Variants in PARD3B observed in about 807,000 individuals in gnomAD.
The protein encoded by PARD3B is partitioning defective 3 homolog B.
Under a neutral mutation model 130.2 loss-of-function variants are expected in PARD3B, and 103 were observed. The ratio of observed to expected loss-of-function variants is 0.79; its 90% CI spans 0.67 to 0.93. The LOEUF (loss-of-function observed/expected upper bound fraction) is 0.93. Ranked by LOEUF, PARD3B falls within the 40% of genes least tolerant of loss-of-function variation. PARD3B has a pLI of 0.00. For synonymous variants in PARD3B, 583 were observed against 553.2 expected (o/e 1.05, Z -0.76); for missense variants, 1,609 against 1,499.2 (o/e 1.07, Z -1.21).
chr2:204,883,792 T>C (rs1415276804), intron 2 of PARD3B, among the ~76,000 whole-genome samples: 1 of 145,480 alleles, frequency 6.9e-6, no homozygotes, highest in East Asian at 2.1e-4. Flanking sequence ...CAGGCTGGAG[T>C]GCAGTGGTGC....
rs1429954231 is a variant in PARD3B at position 205,281,447 on chromosome 2, A to G, written c.2186-19083A>G. Among the ~76,000 whole-genome samples, 4 of 152,156 alleles carry G rather than the reference A, an allele frequency of 2.6e-5. No homozygotes were observed. Among genetic ancestry groups the G allele is most frequent in the South Asian group, 2.1e-4 (1 of 4,826 alleles). ...CAAAAGTTCTCTGAAAACGAAGTTG[A>G]AAGAAAGAGACCTTGTTCCAGTGAA... is the stretch of plus-strand genomic sequence containing the variant. On this transcript the variant is annotated intron_variant, in intron 16 of 22. Transcript: ENST00000406610. This position sits in a 1 kb window ranked among gnomAD's most constrained non-coding sequence, Gnocchi z 4.2.
chr2:205,348,758 A>C (rs1285151373), intron 18 of PARD3B, among the ~76,000 whole-genome samples: 1 of 152,212 alleles, frequency 6.6e-6, no homozygotes, highest in Non-Finnish European at 1.5e-5. Context: ...TAATTCTCAT[A>C]ATACTGAATC....
chr2:205,511,985 C>T (rs144023212), intron 21 of PARD3B, among the ~76,000 whole-genome samples: 55 of 152,182 alleles, frequency 3.6e-4, no homozygotes, highest in African/African-American at 1.2e-3. Context: ...AGTAACTAGT[C>T]TGGTGTTGTG....
rs545755961 is a variant in PARD3B at position 205,488,521 on chromosome 2, T to C, written c.3045-11375T>C. The stretch of plus-strand genomic sequence containing the variant: ...ACCTCTGCTTTAGGAGGATACTATA[T>C]TGGACTCTGCCTATGATCTCTCACT... On this transcript the variant is annotated intron_variant, in intron 20 of 22. Coordinates refer to ENST00000406610, the MANE Select transcript of PARD3B (RefSeq NM_001302769.2). 7.9e-4 allele frequency among the ~76,000 whole-genome samples: 121 copies of C among 152,300 alleles called. 2 individuals are homozygous for C. The highest frequency in any genetic ancestry group is 7.8e-3 in the Admixed American group (120 of 15,290).
In PARD3B at chr2:205,125,888, T is replaced by TAAA; in HGVS notation, c.1434+152_1434+153insAAA. ...TCAGGGTATTTTACCCCATTTGGGGTATCGCATTTTTAAAACATTGATACA... is the reference window on the plus strand; with the variant it reads ...TCAGGGTATTTTACCCCATTTGGGGTAAAATCGCATTTTTAAAACATTGATACA... On this transcript the variant is annotated intron_variant, in intron 10 of 22. Transcript: ENST00000406610. This position sits in a 1 kb window ranked among gnomAD's most constrained non-coding sequence, Gnocchi z 4.0. 9.2e-7 allele frequency: 1 copy of TAAA among 1,089,918 alleles called. No homozygotes were observed. Among genetic ancestry groups the TAAA allele is most frequent in the Non-Finnish European group, 1.3e-6 (1 of 769,300 alleles). 67.5% of individuals were successfully genotyped at this position (1,089,918 alleles called of 1,614,324 possible).
rs1329795835 is a variant in PARD3B at position 205,230,600 on chromosome 2, G to T, written c.2141-15178G>T. On this transcript the variant is annotated intron_variant, in intron 15 of 22. Transcript: ENST00000406610. This position sits in a 1 kb window ranked among gnomAD's most constrained non-coding sequence, Gnocchi z 4.1. ...CGTGAGCTGCACTGCCTGGGGTTGG[G>T]GGAGGAGTGGTGCAAGCACTGCATT... Among the ~76,000 whole-genome samples the T allele has an allele frequency of 6.6e-6, 1 of 152,134 alleles. No individual in the cohort carries two copies. Among genetic ancestry groups the T allele is most frequent in the African/African-American group, 2.4e-5 (1 of 41,432 alleles).
At chr2:205,496,593 C>T (rs1271045410) in intron 20 of PARD3B, among the ~76,000 whole-genome samples, 1 of 152,140 alleles carries the variant, frequency 6.6e-6, no homozygotes, top group East Asian at 1.9e-4. Flanking sequence ...AATAGCCATG[C>T]TCCTGTCAGC....
At chr2:205,171,183 G>A (rs916081138) in intron 11 of PARD3B, among the ~76,000 whole-genome samples, 1 of 152,200 alleles carries the variant, frequency 6.6e-6, no homozygotes, top group African/African-American at 2.4e-5. Flanking sequence ...AGCAGCAGCA[G>A]CATGATAACA....
intron 2 of PARD3B, among the ~76,000 whole-genome samples, chr2:204,707,657 C>A (rs938549931): frequency 2.6e-5 from 4 of 152,078 alleles, no homozygotes; most frequent in Non-Finnish European, 1.5e-5. Context: ...ATTTTCCACA[C>A]AGGATTGCAA....
intron 2 of PARD3B, among the ~76,000 whole-genome samples, chr2:204,881,355 G>T (rs2046038916): frequency 6.6e-6 from 1 of 152,146 alleles, no homozygotes; most frequent in Non-Finnish European, 1.5e-5. Context: ...ACAAAGTCAA[G>T]ATCTACACGT....
At chr2:205,490,599 T>C (rs2049663377) in intron 20 of PARD3B, among the ~76,000 whole-genome samples, 1 of 152,224 alleles carries the variant, frequency 6.6e-6, no homozygotes, top group Non-Finnish European at 1.5e-5. Flanking sequence ...TATAGCAGCA[T>C]GATTTATAAT....
At chr2:205,164,822 T>TACACACACACACACACACACAC (rs71032448) in intron 11 of PARD3B, among the ~76,000 whole-genome samples, 1 of 147,244 alleles carries the variant, frequency 6.8e-6, no homozygotes, top group Non-Finnish European at 1.5e-5. Context: ...TATATATGTA[T>TACACACACACACACACACACAC]ACACACACAC....
rs551260349 is a variant in PARD3B at position 205,120,440 on chromosome 2, G to C, written c.807-1151G>C. ...TTGCAGAATTAAGCACTTCAGAAAGGGGGGTGCGGGGTAGGGTTTAAGGAA... is the reference window on the plus strand; with the variant it reads ...TTGCAGAATTAAGCACTTCAGAAAGCGGGGTGCGGGGTAGGGTTTAAGGAA... On this transcript the variant is annotated intron_variant, in intron 7 of 22. Transcript: ENST00000406610. Among the ~76,000 whole-genome samples, 16 of 152,328 alleles carry C rather than the reference G, an allele frequency of 1.1e-4. No individual in the cohort carries two copies. The South Asian group carries it at 1.5e-3, about 14-fold the overall frequency.
In PARD3B at chr2:204,675,751, T is replaced by C. The variant is rs556458730; in HGVS notation, c.121-10430T>C. On this transcript the variant is annotated intron_variant, in intron 1 of 22. Coordinates refer to ENST00000406610, the MANE Select transcript of PARD3B (RefSeq NM_001302769.2). The surrounding 1 kb of genome is among the most constrained non-coding windows in gnomAD (Gnocchi z 4.4). ...CATTCCTTTAAATATTTAGCTGATA[T>C]ATGAACTAGGAAGTGAAATATATGT... is the stretch of plus-strand genomic sequence containing the variant. 2.6e-5 allele frequency among the ~76,000 whole-genome samples: 4 copies of C among 152,290 alleles called. No individual in the cohort carries two copies. The highest frequency in any genetic ancestry group is 2.9e-5 in the Non-Finnish European group (2 of 68,020).
rs1304734223 is a variant in PARD3B, at chr2:205,187,755, GA to G, written c.2024+1894del. The stretch of plus-strand genomic sequence containing the variant: ...GCTGTAAATCTTCATTACATGGTAT[GA>G]ACTAGTAACTTCCATCTTCTTTTCA... On this transcript the variant is annotated intron_variant, in intron 14 of 22. Transcript: ENST00000406610. The surrounding 1 kb of genome is among the most constrained non-coding windows in gnomAD (Gnocchi z 4.9). Among the ~76,000 whole-genome samples, 1 of 152,184 alleles carries G rather than the reference GA, an allele frequency of 6.6e-6. No individual in the cohort carries two copies. Among genetic ancestry groups the G allele is most frequent in the Non-Finnish European group, 1.5e-5 (1 of 68,032 alleles).
intron 19 of PARD3B, among the ~76,000 whole-genome samples, chr2:205,416,840 C>T (rs2106075366): frequency 1.3e-5 from 2 of 152,222 alleles, no homozygotes; most frequent in Middle Eastern, 6.8e-3. Context: ...CAAAACTGCA[C>T]TTCCAACCCC....
At chr2:204,680,972 G>A (rs980334230) in intron 1 of PARD3B, among the ~76,000 whole-genome samples, 1 of 151,982 alleles carries the variant, frequency 6.6e-6, no homozygotes, top group African/African-American at 2.4e-5. Flanking sequence ...GGCTACATTT[G>A]TTACTTGTGT....
intron 18 of PARD3B, among the ~76,000 whole-genome samples, chr2:205,371,603 T>C (rs2044819935): frequency 6.6e-6 from 1 of 152,178 alleles, no homozygotes; most frequent in South Asian, 2.1e-4. Context: ...AGTTAGAGCA[T>C]CAGTATTTGG....
chr2:205,285,634 C>G (rs951623778), intron 16 of PARD3B, among the ~76,000 whole-genome samples: 2 of 152,186 alleles, frequency 1.3e-5, no homozygotes, highest in African/African-American at 4.8e-5. Context: ...TGCCCCTTGG[C>G]AGGCCGATGT....
Sources: allele counts gnomAD v4.1 joint callset (sites outside exome capture counted in the v4.1 genomes callset), GRCh38; gene constraint gnomAD v4.1.1; non-coding constraint Gnocchi (gnomAD v3.1); transcripts MANE v1.5; gene names NCBI Gene and HGNC (gene_info 2026-07-23, HGNC 2026-07-21).